Variants in RGS7BP observed in about 807,000 individuals in gnomAD.
RGS7BP encodes regulator of G protein signaling 7 binding protein.
RGS7BP carries 9 observed loss-of-function variants against 31.3 expected under a neutral mutation model. The ratio of observed to expected loss-of-function variants is 0.29; its 90% CI spans 0.17 to 0.50. The LOEUF is 0.50. Ranked by LOEUF, RGS7BP falls within the 20% of genes least tolerant of loss-of-function variation. RGS7BP has a pLI of 0.98. For synonymous variants in RGS7BP, 115 were observed against 120.1 expected, an observed-to-expected ratio of 0.96 and a Z score of 0.28; for missense variants, 274 against 322.0, an observed-to-expected ratio of 0.85 and a Z score of 1.14.
chr5:64,544,868 G>C (rs981373907), intron 2 of RGS7BP, among the ~76,000 whole-genome samples: 22 of 152,026 alleles, frequency 1.4e-4, no homozygotes, highest in Admixed American at 4.6e-4. Context: ...GAACCATGTT[G>C]TAAGACACAT....
At chr5:64,542,349 G>A (rs139748694) in intron 2 of RGS7BP, among the ~76,000 whole-genome samples, 1 of 152,302 alleles carries the variant, frequency 6.6e-6, no homozygotes, top group African/African-American at 2.4e-5. Context: ...TGAACAATAT[G>A]TGAACATGCT....
At chr5:64,508,852 T>G (rs1748761082) in intron 2 of RGS7BP, among the ~76,000 whole-genome samples, 1 of 152,184 alleles carries the variant, frequency 6.6e-6, no homozygotes, top group Non-Finnish European at 1.5e-5. Context: ...TTTGAAAGAA[T>G]CACTGTTTGC....
At chr5:64,569,430 A>G (rs767628425) in intron 2 of RGS7BP, among the ~76,000 whole-genome samples, 12 of 151,628 alleles carry the variant, frequency 7.9e-5, no homozygotes, top group Non-Finnish European at 1.3e-4. Context: ...TCTTATTTCT[A>G]TTTTTCTGAT....
chr5:64,509,406 T>C (rs1008938471), intron 2 of RGS7BP, among the ~76,000 whole-genome samples: 7 of 152,142 alleles, frequency 4.6e-5, no homozygotes, highest in African/African-American at 1.7e-4. Context: ...GAACATGTTC[T>C]AATCAGAGAT....
chr5:64,531,347 C>T (rs1278537800), intron 2 of RGS7BP, among the ~76,000 whole-genome samples: 5 of 152,058 alleles, frequency 3.3e-5, no homozygotes, highest in African/African-American at 9.7e-5. Flanking sequence ...ATACTTTATT[C>T]AATCTTAATT....
intron 3 of RGS7BP, among the ~76,000 whole-genome samples, chr5:64,593,189 T>C (rs1368190269): frequency 1.3e-5 from 2 of 152,164 alleles, no homozygotes; most frequent in Non-Finnish European, 2.9e-5. Context: ...TATTCCGAGT[T>C]CCACTATAGG....
chr5:64,510,746 T>A (rs1325895319), intron 2 of RGS7BP, among the ~76,000 whole-genome samples: 1 of 152,250 alleles, frequency 6.6e-6, no homozygotes, highest in Admixed American at 6.5e-5. Flanking sequence ...TCACCGTGAT[T>A]AACACTTGGT....
chr5:64,562,507 G>A (rs1277107086), intron 2 of RGS7BP, among the ~76,000 whole-genome samples: 1 of 152,200 alleles, frequency 6.6e-6, no homozygotes, highest in South Asian at 2.1e-4. Flanking sequence ...GAAACCCAGG[G>A]AGGGCTTTCT....
chr5:64,603,085 G>A (rs1007602619), intron 5 of RGS7BP, among the ~76,000 whole-genome samples: 2 of 152,160 alleles, frequency 1.3e-5, no homozygotes, highest in African/African-American at 2.4e-5. Context: ...GTATCATTAA[G>A]ACCCCTTAGG....
intron 2 of RGS7BP, among the ~76,000 whole-genome samples, chr5:64,538,540 C>CTTTTTTTTTTTTT (rs1741440352): frequency 6.8e-5 from 2 of 29,284 alleles, no homozygotes; most frequent in Non-Finnish European, 1.2e-4. Context: ...TTTTTTTTTT[C>CTTTTTTTTTTTTT]CTTTTCTTTT....
At chr5:64,538,517 C>CTTTTTTTTTTTTTTTTTTTTTT (rs1741435523) in intron 2 of RGS7BP, among the ~76,000 whole-genome samples, 1 of 88,312 alleles carries the variant, frequency 1.1e-5, no homozygotes, top group Admixed American at 1.1e-4. Flanking sequence ...TTTTTTTTTT[C>CTTTTTTTTTTTTTTTTTTTTTT]CTTTTCTTTT....
At chr5:64,599,535 G>T (rs779973148) in intron 5 of RGS7BP, among the ~76,000 whole-genome samples, 1 of 152,180 alleles carries the variant, frequency 6.6e-6, no homozygotes, top group Non-Finnish European at 1.5e-5. Flanking sequence ...AGCTACACAG[G>T]GGTGGAGGTC....
intron 2 of RGS7BP, among the ~76,000 whole-genome samples, chr5:64,524,866 A>G (rs2111908007): frequency 6.6e-6 from 1 of 152,100 alleles, no homozygotes; most frequent in East Asian, 1.9e-4. Context: ...TGAAAAATCC[A>G]GGCACGGGGC....
At chr5:64,515,357 A>G (rs2111884855) in intron 2 of RGS7BP, among the ~76,000 whole-genome samples, 1 of 152,338 alleles carries the variant, frequency 6.6e-6, no homozygotes. Flanking sequence ...TTTGTGAGGC[A>G]TAGGTGTTCA....
At chr5:64,566,489 G>A (rs1256045288) in intron 2 of RGS7BP, among the ~76,000 whole-genome samples, 1 of 151,986 alleles carries the variant, frequency 6.6e-6, no homozygotes, top group Non-Finnish European at 1.5e-5. Flanking sequence ...TTCATTAGGA[G>A]GTGGGATGAG....
At chr5:64,583,033 T>G (rs1457454913) in intron 3 of RGS7BP, among the ~76,000 whole-genome samples, 1 of 152,176 alleles carries the variant, frequency 6.6e-6, no homozygotes, top group Non-Finnish European at 1.5e-5. Flanking sequence ...TTTGAAGAAA[T>G]ATTTGTTATC....
intron 3 of RGS7BP, 75 bp downstream of exon 3, chr5:64,575,979 A>G: frequency 4.6e-6 from 6 of 1,293,238 alleles, no homozygotes; most frequent in South Asian, 1.4e-5. Flanking sequence ...GTGTCCGTAT[A>G]TACCATATCA....
intron 3 of RGS7BP, among the ~76,000 whole-genome samples, chr5:64,583,457 G>A (rs941945029): frequency 6.6e-6 from 1 of 152,264 alleles, no homozygotes; most frequent in Admixed American, 6.5e-5. Context: ...CAAAGGGAGA[G>A]AGGAGAAAGA....
rs147802984 is a variant in RGS7BP at position 64,511,433 on chromosome 5, G to A, written c.332+3556G>A. ...TGTCCCAGACATTAAAGCTAAGAGG[G>A]GCCTTAAAGATCACTTGCAAGAATG... On this transcript the variant is annotated intron_variant, in intron 2 of 5. Coordinates refer to ENST00000334025, the MANE Select transcript of RGS7BP (RefSeq NM_001029875.3). Among the ~76,000 whole-genome samples the A allele has an allele frequency of 6.0e-3, 911 of 152,282 alleles. 15 individuals are homozygous for A. The highest frequency in any genetic ancestry group is 5.5e-3 in the Non-Finnish European group (376 of 68,016).
Sources: gnomAD v4.1 joint callset for allele counts (sites outside exome capture counted in the v4.1 genomes callset) on GRCh38, gnomAD v4.1.1 for gene constraint, MANE v1.5 for transcripts, NCBI Gene and HGNC (gene_info 2026-07-23, HGNC 2026-07-21) for gene names.